Variants in SPOCK1 observed in about 807,000 individuals in gnomAD.
SPOCK1 encodes SPARC (osteonectin), cwcv and kazal like domains proteoglycan 1, also known as testican-1.
SPOCK1 carries 23 observed loss-of-function variants against 55.3 expected under a neutral mutation model. The observed-to-expected ratio is 0.42, with a 90% CI of 0.30 to 0.59. The LOEUF (loss-of-function observed/expected upper bound fraction) is 0.59, where lower values mean the gene tolerates loss of function less well. Ranked by LOEUF, SPOCK1 falls within the 20% of genes least tolerant of loss-of-function variation. The probability of loss-of-function intolerance (pLI) is 0.22; values close to 1 mark genes in which losing one functional copy is unlikely to be tolerated. For synonymous variants in SPOCK1, 226 were observed against 221.0 expected, an observed-to-expected ratio of 1.02 and a Z score of -0.20; for missense variants, 499 against 552.5, an observed-to-expected ratio of 0.90 and a Z score of 0.97.
chr5:137,308,719 C>A (rs564914835), intron 2 of SPOCK1, among the ~76,000 whole-genome samples: 8 of 152,196 alleles, frequency 5.3e-5, no homozygotes, highest in Non-Finnish European at 1.2e-4. Context: ...ATTTAAAACA[C>A]CTATTATGGG....
At chr5:137,253,856 T>C (rs1580831220) in intron 3 of SPOCK1, among the ~76,000 whole-genome samples, 1 of 152,032 alleles carries the variant, frequency 6.6e-6, no homozygotes, top group Non-Finnish European at 1.5e-5. Flanking sequence ...TCTGAAGGAG[T>C]TCAAATGTCC....
At chr5:137,497,438 T>C (rs553038847) in intron 2 of SPOCK1, among the ~76,000 whole-genome samples, 1 of 152,324 alleles carries the variant, frequency 6.6e-6, no homozygotes, top group East Asian at 1.9e-4. Flanking sequence ...GAATTCCTAA[T>C]GTTAAGTACC....
chr5:137,042,041 A>C (rs1752010320), intron 6 of SPOCK1, among the ~76,000 whole-genome samples: 1 of 152,216 alleles, frequency 6.6e-6, no homozygotes, highest in Non-Finnish European at 1.5e-5. Flanking sequence ...CAAAACTGGA[A>C]GCAACCAAGA....
chr5:137,496,630 G>C (rs571428546), intron 2 of SPOCK1, among the ~76,000 whole-genome samples: 116 of 152,274 alleles, frequency 7.6e-4, no homozygotes, highest in Non-Finnish European at 1.4e-3. Flanking sequence ...CCATAGAAAA[G>C]TAAAAACAAA....
intron 2 of SPOCK1, among the ~76,000 whole-genome samples, chr5:137,484,026 T>C (rs1754003253): frequency 6.6e-6 from 1 of 152,180 alleles, no homozygotes; most frequent in Admixed American, 6.5e-5. Context: ...AAATGAAGAC[T>C]GAGATGCGGG....
At chr5:137,064,769 G>A (rs1752465125) in intron 6 of SPOCK1, among the ~76,000 whole-genome samples, 1 of 152,164 alleles carries the variant, frequency 6.6e-6, no homozygotes, top group Non-Finnish European at 1.5e-5. Context: ...CATGGAAAGA[G>A]GTGTCAAATC....
At chr5:137,360,911 T>C (rs1750926811) in intron 2 of SPOCK1, among the ~76,000 whole-genome samples, 1 of 152,212 alleles carries the variant, frequency 6.6e-6, no homozygotes, top group African/African-American at 2.4e-5. Context: ...TAGGGCATTA[T>C]CATATGATGT....
chr5:137,343,830 C>T (rs1750494388), intron 2 of SPOCK1, among the ~76,000 whole-genome samples: 1 of 152,194 alleles, frequency 6.6e-6, no homozygotes, highest in African/African-American at 2.4e-5. Flanking sequence ...GGGCTACTGA[C>T]ATTCCCCCAG....
chr5:137,370,380 A>C (rs1751172765), intron 2 of SPOCK1, among the ~76,000 whole-genome samples: 1 of 152,248 alleles, frequency 6.6e-6, no homozygotes, highest in African/African-American at 2.4e-5. Context: ...AATGCAATGA[A>C]CATCAATGAG....
At chr5:137,021,955 G>GA (rs1300194031) in intron 6 of SPOCK1, among the ~76,000 whole-genome samples, 1 of 151,960 alleles carries the variant, frequency 6.6e-6, no homozygotes, top group Non-Finnish European at 1.5e-5. Flanking sequence ...CAAATTTTTG[G>GA]AAAAAAACTG....
intron 2 of SPOCK1, among the ~76,000 whole-genome samples, chr5:137,295,213 T>A (rs1341488173): frequency 6.6e-6 from 1 of 152,266 alleles, no homozygotes; most frequent in Non-Finnish European, 1.5e-5. Context: ...TTGTTCTTTA[T>A]GCTTTTCTGT....
chr5:137,095,027 C>T (rs1206117093), intron 5 of SPOCK1, among the ~76,000 whole-genome samples: 2 of 152,120 alleles, frequency 1.3e-5, no homozygotes, highest in African/African-American at 4.8e-5. Context: ...TCATAAGGAA[C>T]AGGGATGCCC....
intron 2 of SPOCK1, among the ~76,000 whole-genome samples, chr5:137,418,714 T>A (rs1229139789): frequency 6.6e-6 from 1 of 152,242 alleles, no homozygotes; most frequent in African/African-American, 2.4e-5. Flanking sequence ...CTTTGTCAGA[T>A]GAGCAGATTG....
chr5:137,441,254 G>A (rs146465567), intron 2 of SPOCK1, among the ~76,000 whole-genome samples: 2 of 152,280 alleles, frequency 1.3e-5, no homozygotes, highest in East Asian at 3.9e-4. Flanking sequence ...GGAAGCATTT[G>A]CCATGGAGAC....
At chr5:137,112,012 G>A (rs553591012) in intron 5 of SPOCK1, among the ~76,000 whole-genome samples, 10 of 152,176 alleles carry the variant, frequency 6.6e-5, no homozygotes, top group African/African-American at 2.4e-4. Context: ...TGCAGTAAGT[G>A]TGAATTAGGT....
intron 2 of SPOCK1, among the ~76,000 whole-genome samples, chr5:137,301,027 C>T (rs1292979092): frequency 1.3e-5 from 2 of 152,220 alleles, no homozygotes; most frequent in Non-Finnish European, 2.9e-5. Flanking sequence ...AAGGAAGAGG[C>T]TCATCCTTAG....
At chr5:137,373,390 T>C (rs1180167716) in intron 2 of SPOCK1, among the ~76,000 whole-genome samples, 1 of 152,204 alleles carries the variant, frequency 6.6e-6, no homozygotes, top group Non-Finnish European at 1.5e-5. Context: ...ATCATTGCCC[T>C]AAGCACAGGA....
intron 2 of SPOCK1, among the ~76,000 whole-genome samples, chr5:137,472,206 GA>G (rs1753750411): frequency 6.6e-6 from 1 of 152,162 alleles, no homozygotes; most frequent in Non-Finnish European, 1.5e-5. Context: ...GACACTTGAT[GA>G]GGGCTTTAGT....
chr5:137,239,453 T>C (rs563286657), intron 3 of SPOCK1, among the ~76,000 whole-genome samples: 3 of 152,284 alleles, frequency 2.0e-5, no homozygotes, highest in Non-Finnish European at 2.9e-5. Flanking sequence ...TAGCAACATA[T>C]TGAACATGAG....
Sources: gnomAD v4.1 joint callset for allele counts (sites outside exome capture counted in the v4.1 genomes callset) on GRCh38, gnomAD v4.1.1 for gene constraint, MANE v1.5 for transcripts, NCBI Gene and HGNC (gene_info 2026-07-23, HGNC 2026-07-21) for gene names.